The following BEND4 variants were observed in gnomAD, a reference collection of about 807,000 sequenced individuals.
BEND4 encodes the protein BEN domain containing 4.
BEND4 carries 27 observed loss-of-function variants against 54.7 expected under a neutral mutation model. The ratio of observed to expected loss-of-function variants is 0.49; its 90% confidence interval spans 0.36 to 0.68. The LOEUF (loss-of-function observed/expected upper bound fraction) is 0.68. Ranked by LOEUF, BEND4 falls within the 30% of genes least tolerant of loss-of-function variation. The pLI, the probability that BEND4 is intolerant of heterozygous loss-of-function variation, is 0.00. For synonymous variants in BEND4, 327 were observed against 299.5 expected (o/e 1.09, Z -0.95); for missense variants, 702 against 697.2 (o/e 1.01, Z -0.08).
At chr4:42,136,043 CTTTA>C (rs1333465161) in intron 3 of BEND4, among the ~76,000 whole-genome samples, 2 of 152,084 alleles carry the variant, frequency 1.3e-5, no homozygotes, top group Non-Finnish European at 2.9e-5. Flanking sequence ...GAACTCAGTT[CTTTA>C]TTCCTCTTTC....
At chr4:42,133,018 T>A (rs2153146102) in intron 3 of BEND4, among the ~76,000 whole-genome samples, 1 of 152,342 alleles carries the variant, frequency 6.6e-6, no homozygotes, top group South Asian at 2.1e-4. Flanking sequence ...ATGCATCTTG[T>A]ATAATCCTGG....
chr4:42,133,680 C>T (rs1720587978), intron 3 of BEND4, among the ~76,000 whole-genome samples: 1 of 152,040 alleles, frequency 6.6e-6, no homozygotes, highest in Non-Finnish European at 1.5e-5. Flanking sequence ...ATGGTGAAAC[C>T]CCGTCTCTAC....
At chr4:42,132,268 G>A (rs540333269) in intron 3 of BEND4, among the ~76,000 whole-genome samples, 30 of 152,150 alleles carry the variant, frequency 2.0e-4, no homozygotes, top group Non-Finnish European at 2.9e-4. Context: ...TGCTGCAGGT[G>A]TAGCTGTGTG....
chr4:42,144,053 G>C (rs1433376034), intron 2 of BEND4, 59 bp from the exon 3 acceptor site: 2 of 1,240,370 alleles, frequency 1.6e-6, no homozygotes, highest in East Asian at 2.5e-5. Flanking sequence ...GATAAATAAA[G>C]TCCTCAATTT....
rs954264700 is a variant in BEND4 at position 42,115,026 on chromosome 4, T to A, written c.*2492A>T. ...CTCAGGAGCAAAAGTCGTAGGAACA[T>A]TTCACTCAGGCAAAAGCTGTAGGTC... On this transcript the variant is annotated 3_prime_UTR_variant, in exon 6 of 6. Transcript: ENST00000502486. 2 of 152,266 alleles carry A rather than the reference T, an allele frequency of 1.3e-5. No individual in the cohort carries two copies. The highest frequency in any genetic ancestry group is 2.9e-5 in the Non-Finnish European group (2 of 68,102). 9.4% of individuals were successfully genotyped at this position (152,266 alleles called of 1,614,324 possible). A position where few individuals can be genotyped will look rare whatever the true frequency, so the allele number is the denominator to read the frequency against.
intron 3 of BEND4, among the ~76,000 whole-genome samples, chr4:42,129,915 T>C (rs1221750980): frequency 6.6e-6 from 1 of 152,058 alleles, no homozygotes; most frequent in Non-Finnish European, 1.5e-5. Flanking sequence ...AGGATCCAAG[T>C]AAAAGCTTCT....
intron 3 of BEND4, 74 bp downstream of exon 3, chr4:42,143,354 G>C: frequency 7.7e-7 from 1 of 1,303,632 alleles, no homozygotes; most frequent in Non-Finnish European, 1.1e-6. Context: ...CATGAGTACA[G>C]AAATACACAG....
Position 42,111,879 on chromosome 4 carries a change from T to A in BEND4, c.*5639A>T, listed in dbSNP as rs1303818569. 1 of 152,330 alleles carries A rather than the reference T, an allele frequency of 6.6e-6. No individual in the cohort carries two copies. 9.4% of individuals were successfully genotyped at this position (152,330 alleles called of 1,614,324 possible). A position where few individuals can be genotyped will look rare whatever the true frequency, so the allele number is the denominator to read the frequency against. On this transcript the variant is annotated 3_prime_UTR_variant, in exon 6 of 6. Coordinates refer to ENST00000502486, the MANE Select transcript of BEND4 (RefSeq NM_207406.4). ...TTGCACTAGGAACCTATGGGACAAA[T>A]GTGAACAAACTCGTGATTTTAATTT...
chr4:42,144,138 C>A (rs1316266990), intron 2 of BEND4, 144 bp from the exon 3 acceptor site: 21 of 709,364 alleles, frequency 3.0e-5, no homozygotes, highest in Non-Finnish European at 4.9e-5. Context: ...ACAATAAATC[C>A]ACTGTGAATA....
intron 4 of BEND4, among the ~76,000 whole-genome samples, chr4:42,122,493 C>T (rs1174245395): frequency 6.6e-6 from 1 of 152,176 alleles, no homozygotes; most frequent in African/African-American, 2.4e-5. Context: ...CTGTGGCTGG[C>T]ACACAGCAGA....
intron 3 of BEND4, among the ~76,000 whole-genome samples, chr4:42,135,505 G>A (rs1720666499): frequency 6.6e-6 from 1 of 152,140 alleles, no homozygotes; most frequent in Admixed American, 6.5e-5. Context: ...GGGCGCAGTG[G>A]CTCACACCTG....
chr4:42,126,641 A>G (rs1387387169), intron 3 of BEND4, among the ~76,000 whole-genome samples: 2 of 152,232 alleles, frequency 1.3e-5, no homozygotes, highest in Non-Finnish European at 2.9e-5. Flanking sequence ...TTTTTGTACC[A>G]CTACATAAAT....
At chr4:42,127,509 C>T (rs1322734483) in intron 3 of BEND4, among the ~76,000 whole-genome samples, 4 of 152,172 alleles carry the variant, frequency 2.6e-5, no homozygotes, top group Non-Finnish European at 5.9e-5. Flanking sequence ...GAATGTGTCT[C>T]CTGACACTGA....
At position 42,113,523 on chromosome 4, in the gene BEND4, G is replaced by A. The variant is rs564115696; in HGVS notation, c.*3995C>T. On this transcript the variant is annotated 3_prime_UTR_variant, in exon 6 of 6. Coordinates refer to ENST00000502486, the MANE Select transcript of BEND4 (RefSeq NM_207406.4). Reference sequence around the variant, plus strand: ...GGCAACAAGCCATTGAGAGCGGCAGGGGAATGTAGGAATCATAAACCTACA... The same window carrying A: ...GGCAACAAGCCATTGAGAGCGGCAGAGGAATGTAGGAATCATAAACCTACA... 1.3e-5 allele frequency: 2 copies of A among 152,240 alleles called. No individual in the cohort carries two copies. Among genetic ancestry groups the A allele is most frequent in the South Asian group, 4.2e-4 (2 of 4,812 alleles). 9.4% of individuals were successfully genotyped at this position (152,240 alleles called of 1,614,324 possible). A position where few individuals can be genotyped will look rare whatever the true frequency, so the allele number is the denominator to read the frequency against.
At chr4:42,148,136 ATTAAT>A (rs144375568) in intron 2 of BEND4, among the ~76,000 whole-genome samples, 10,843 of 152,206 alleles carry the variant, frequency 0.071, 1,264 homozygotes, top group African/African-American at 0.25. Flanking sequence ...TCCTTAAAAC[ATTAAT>A]TTAACTTATT....
chr4:42,133,798 G>A (rs1373468023), intron 3 of BEND4, among the ~76,000 whole-genome samples: 2 of 152,228 alleles, frequency 1.3e-5, no homozygotes, highest in Non-Finnish European at 1.5e-5. Flanking sequence ...AGCTTACAGT[G>A]AGCCGAGATA....
chr4:42,152,247 G>T lies in BEND4; in HGVS notation c.-104C>A. The stretch of plus-strand genomic sequence containing the variant: ...GCCCGCCGGGTCTGCCCTGGTGCGC[G>T]CGTGTGGGAGGGTGTGTGTCTGTGC... On this transcript the variant is annotated 5_prime_UTR_variant, in exon 2 of 6. Coordinates refer to ENST00000502486, the MANE Select transcript of BEND4 (RefSeq NM_207406.4). The T allele has an allele frequency of 1.8e-6, 2 of 1,127,154 alleles. No homozygotes were observed. The highest frequency in any genetic ancestry group is 2.2e-6 in the Non-Finnish European group (2 of 895,154). 69.8% of individuals were successfully genotyped at this position (1,127,154 alleles called of 1,614,324 possible).
At chr4:42,119,543 G>A (rs920917632) in intron 5 of BEND4, among the ~76,000 whole-genome samples, 2 of 151,810 alleles carry the variant, frequency 1.3e-5, no homozygotes, top group African/African-American at 4.8e-5. Context: ...ACACTTAATA[G>A]AAACTTTTTT....
At chr4:42,120,818 G>A (rs909716593) in intron 4 of BEND4, among the ~76,000 whole-genome samples, 2 of 150,358 alleles carry the variant, frequency 1.3e-5, no homozygotes, top group African/African-American at 5.0e-5. Flanking sequence ...TAAGAAGGGA[G>A]AATTGTGGAA....
Sources: gnomAD v4.1 joint callset for allele counts (sites outside exome capture counted in the v4.1 genomes callset) on GRCh38, gnomAD v4.1.1 for gene constraint, MANE v1.5 for transcripts, NCBI Gene and HGNC (gene_info 2026-07-23, HGNC 2026-07-21) for gene names.